The following ADGRL2 variants were observed in gnomAD, a reference collection of about 807,000 sequenced individuals.
ADGRL2 encodes the protein calcium-independent alpha-latrotoxin receptor 2.
A neutral mutation model predicts 157.4 loss-of-function variants in ADGRL2; 44 were observed. That is an observed-to-expected ratio of 0.28 (90% confidence interval 0.22 to 0.36). ADGRL2 has a LOEUF of 0.36. Ranked by LOEUF, ADGRL2 falls within the 10% of genes least tolerant of loss-of-function variation. The pLI is 1.00. For synonymous variants in ADGRL2, 585 were observed against 624.7 expected (o/e 0.94, Z 0.95); for missense variants, 1,510 against 1,768.9 (o/e 0.85, Z 2.63).
rs752851782 is a variant in ADGRL2, at chr1:81,970,439, G to A, written c.2859G>A (p.Arg953=). The change falls in exon 16 of 24, where the codon AGG becomes AGA. Residue 953 remains arginine (R), a synonymous_variant. Coordinates refer to ENST00000686636, the MANE Select transcript of ADGRL2 (RefSeq NM_001366006.2). ...LVEVFESEYS[R]KKYYYVAGYL... Reference sequence around the variant, plus strand: ...AAGTTTTTGAAAGTGAATATTCAAGGAAAAAATATTACTATGTTGCTGGTT... The same window carrying A: ...AAGTTTTTGAAAGTGAATATTCAAGAAAAAAATATTACTATGTTGCTGGTT... 1.3e-6 allele frequency: 2 copies of A among 1,559,228 alleles called. No homozygotes were observed. The highest frequency in any genetic ancestry group is 2.3e-5 in the East Asian group (1 of 43,518).
chr1:81,385,629 A>G (rs566573533), intron 1 of ADGRL2, among the ~76,000 whole-genome samples: 16 of 152,164 alleles, frequency 1.1e-4, no homozygotes, highest in African/African-American at 3.9e-4. Context: ...ATATTTAATG[A>G]AACTGGAATC....
At chr1:81,443,852 G>C (rs2077552796) in intron 1 of ADGRL2, among the ~76,000 whole-genome samples, 1 of 152,120 alleles carries the variant, frequency 6.6e-6, no homozygotes, top group South Asian at 2.1e-4. Context: ...TGCTTGACTA[G>C]TAATAATCAA....
chr1:81,902,258 A>T (rs904923587), intron 2 of ADGRL2, among the ~76,000 whole-genome samples: 1 of 152,314 alleles, frequency 6.6e-6, no homozygotes, highest in African/African-American at 2.4e-5. Context: ...TCTAGGTAGC[A>T]GGTATTAAGA....
At chr1:81,477,991 C>G (rs1022061951) in intron 2 of ADGRL2, among the ~76,000 whole-genome samples, 1 of 152,092 alleles carries the variant, frequency 6.6e-6, no homozygotes, top group Admixed American at 6.6e-5. Context: ...TGTTCCAAAA[C>G]TGAAGAGAGC....
At chr1:81,519,569 C>T (rs1158248169) in intron 2 of ADGRL2, among the ~76,000 whole-genome samples, 2 of 152,152 alleles carry the variant, frequency 1.3e-5, no homozygotes, top group African/African-American at 4.8e-5. Context: ...GTTAAGTAAA[C>T]TCTCACACAT....
intron 1 of ADGRL2, among the ~76,000 whole-genome samples, chr1:81,372,391 C>T (rs1187364775): frequency 2.0e-5 from 3 of 152,050 alleles, no homozygotes; most frequent in Non-Finnish European, 4.4e-5. Flanking sequence ...TAAGGAGGGC[C>T]GAGATGGCAA....
chr1:81,868,062 T>G (rs936566513), intron 2 of ADGRL2, among the ~76,000 whole-genome samples: 3 of 135,794 alleles, frequency 2.2e-5, no homozygotes, highest in East Asian at 2.2e-4. Context: ...GTGTGTGTGG[T>G]GTGTGTGTGT....
Position 81,702,537 on chromosome 1 carries a change from A to G in ADGRL2, c.-143+2729A>G, listed in dbSNP as rs146136842. On this transcript the variant is annotated intron_variant, in intron 1 of 20. Transcript: ENST00000359929. ...ATGATGTACAACACAGTAATTTCGG[A>G]ACAGTGGTTTTCAGAGAACAACTAT... Among the ~76,000 whole-genome samples the G allele has an allele frequency of 3.9e-5, 6 of 152,342 alleles. No individual in the cohort carries two copies. In the East Asian group the frequency reaches 1.2e-3, roughly 29 times the overall value.
intron 3 of ADGRL2, among the ~76,000 whole-genome samples, chr1:81,650,595 AAAAAG>A (rs1198433458): frequency 1.3e-5 from 2 of 150,856 alleles, no homozygotes; most frequent in Non-Finnish European, 3.0e-5. Context: ...AAAAAAAAAG[AAAAAG>A]AAAAGAAAAG....
At chr1:81,917,574 A>T (rs1255138732) in intron 3 of ADGRL2, among the ~76,000 whole-genome samples, 1 of 152,202 alleles carries the variant, frequency 6.6e-6, no homozygotes, top group Non-Finnish European at 1.5e-5. Context: ...TGTATAAATA[A>T]ATCAGATATA....
intron 2 of ADGRL2, among the ~76,000 whole-genome samples, chr1:81,863,293 C>T (rs2093441566): frequency 6.6e-6 from 1 of 152,134 alleles, no homozygotes; most frequent in Admixed American, 6.6e-5. Context: ...GTCTTGCAAG[C>T]TTTTGAGGCA....
chr1:81,356,705 G>A (rs921214578), intron 1 of ADGRL2, among the ~76,000 whole-genome samples: 44 of 152,176 alleles, frequency 2.9e-4, no homozygotes, highest in Admixed American at 3.9e-4. Context: ...TGTAATCCCA[G>A]CACTTTTGGA....
intron 11 of ADGRL2, among the ~76,000 whole-genome samples, chr1:81,964,972 A>G (rs1414301666): frequency 6.6e-6 from 1 of 152,168 alleles, no homozygotes; most frequent in East Asian, 1.9e-4. Context: ...ATGAATGTTA[A>G]TGTAAAATAA....
intron 2 of ADGRL2, among the ~76,000 whole-genome samples, chr1:81,842,678 T>C (rs1330698903): frequency 1.3e-5 from 2 of 152,036 alleles, no homozygotes; most frequent in Non-Finnish European, 2.9e-5. Context: ...TTCAAGAGTA[T>C]ACTCAGAAAA....
At chr1:81,897,797 G>T (rs1345423438) in intron 2 of ADGRL2, among the ~76,000 whole-genome samples, 1 of 152,074 alleles carries the variant, frequency 6.6e-6, no homozygotes, top group African/African-American at 2.4e-5. Context: ...GTATTTGTTA[G>T]AAAATATTGG....
At chr1:81,744,312 G>C (rs2085171970) in intron 1 of ADGRL2, among the ~76,000 whole-genome samples, 1 of 152,072 alleles carries the variant, frequency 6.6e-6, no homozygotes, top group Non-Finnish European at 1.5e-5. Flanking sequence ...AAACTATATG[G>C]AGTAGGAACT....
At chr1:81,918,408 A>G (rs1470007244) in intron 3 of ADGRL2, among the ~76,000 whole-genome samples, 2 of 152,092 alleles carry the variant, frequency 1.3e-5, no homozygotes, top group African/African-American at 4.8e-5. Flanking sequence ...ATATAACATT[A>G]AGGGACATTT....
chr1:81,964,712 T>G (rs552458427), intron 11 of ADGRL2, among the ~76,000 whole-genome samples: 1 of 152,092 alleles, frequency 6.6e-6, no homozygotes, highest in African/African-American at 2.4e-5. Context: ...GGATTGTAGG[T>G]GAATAGCTGA....
At chr1:81,664,158 G>A (rs9730292) in intron 3 of ADGRL2, among the ~76,000 whole-genome samples, 2,505 of 151,586 alleles carry the variant, frequency 0.017, 73 homozygotes, top group African/African-American at 0.057. Flanking sequence ...TGTATCCTCC[G>A]TGCCCAACAC....
Sources: gnomAD v4.1 joint callset for allele counts (sites outside exome capture counted in the v4.1 genomes callset) on GRCh38, gnomAD v4.1.1 for gene constraint, MANE v1.5 for transcripts, NCBI Gene and HGNC (gene_info 2026-07-23, HGNC 2026-07-21) for gene names.